The following INSL6 variants were observed in gnomAD, a reference collection of about 807,000 sequenced individuals.
INSL6 encodes the protein insulin like 6, also known as insulin-like peptide INSL6.
A neutral mutation model predicts 9.4 loss-of-function variants in INSL6; 16 were observed. That is an observed-to-expected ratio of 1.70 (90% CI 1.15 to 2.59). The LOEUF is 2.59. INSL6 is among the 30% of genes most tolerant of loss of function. The pLI is 0.00. For synonymous variants in INSL6, 154 were observed against 96.9 expected (o/e 1.59, Z -3.46); for missense variants, 391 against 257.3 (o/e 1.52, Z -3.56).
At chr9:5,149,410 C>T (rs1342431507) in intron 2 of INSL6, among the ~76,000 whole-genome samples, 1 of 152,168 alleles carries the variant, frequency 6.6e-6, no homozygotes, top group African/African-American at 2.4e-5. Context: ...TGCTTACCTT[C>T]CTACCCACCA....
At chr9:5,044,811 A>G in the INSL6 span, among the ~76,000 whole-genome samples, 1 of 152,198 alleles carries the variant, frequency 6.6e-6, no homozygotes, top group Non-Finnish European at 1.5e-5. Flanking sequence ...ACTGAGGTTT[A>G]CAACATGATT....
chr9:5,105,746 A>G, the INSL6 span, among the ~76,000 whole-genome samples: 1 of 152,246 alleles, frequency 6.6e-6, no homozygotes, highest in East Asian at 1.9e-4. Flanking sequence ...CAGAGGCCTC[A>G]GAAATAACAC....
At chr9:5,132,730 T>C (rs1331362784) in intron 3 of INSL6, 1 of 152,208 alleles carries the variant, frequency 6.6e-6, no homozygotes, top group Non-Finnish European at 1.5e-5. Context: ...TCCTAAATCT[T>C]GTTCAACATA....
chr9:5,131,440 T>G (rs1824281430), intron 3 of INSL6, among the ~76,000 whole-genome samples: 1 of 143,340 alleles, frequency 7.0e-6, no homozygotes, highest in Non-Finnish European at 1.5e-5. Context: ...TAACAATTTT[T>G]TTTTTTTTTT....
At chr9:5,028,391 G>T in the INSL6 span, among the ~76,000 whole-genome samples, 1 of 152,166 alleles carries the variant, frequency 6.6e-6, no homozygotes, top group Non-Finnish European at 1.5e-5. Flanking sequence ...AGGCTTTGTT[G>T]TCCCATTTAT....
At chr9:5,143,259 T>C (rs1339405067) in intron 2 of INSL6, among the ~76,000 whole-genome samples, 1 of 151,732 alleles carries the variant, frequency 6.6e-6, no homozygotes, top group African/African-American at 2.4e-5. Context: ...ATAGTTTCAG[T>C]AGGAATGGTA....
chr9:5,167,033 C>G (rs1297575565), intron 1 of INSL6, among the ~76,000 whole-genome samples: 4 of 152,060 alleles, frequency 2.6e-5, no homozygotes, highest in Admixed American at 6.5e-5. Context: ...CAAGTGGATT[C>G]TGCATCTTCA....
chr9:5,178,753 G>T (rs1178128902), intron 1 of INSL6, among the ~76,000 whole-genome samples: 1 of 152,156 alleles, frequency 6.6e-6, no homozygotes, highest in African/African-American at 2.4e-5. Flanking sequence ...ACAAAAACAA[G>T]CAATGAGGGA....
the INSL6 span, among the ~76,000 whole-genome samples, chr9:5,023,705 C>T: frequency 1.3e-5 from 2 of 152,136 alleles, no homozygotes; most frequent in African/African-American, 4.8e-5. Context: ...TGTTGAATAC[C>T]AGTGTTCCTC....
the INSL6 span, among the ~76,000 whole-genome samples, chr9:5,027,986 T>C: frequency 1.3e-5 from 2 of 152,206 alleles, no homozygotes; most frequent in Non-Finnish European, 2.9e-5. Context: ...CAAACTCCTG[T>C]TAATGTTGAC....
intron 1 of INSL6, among the ~76,000 whole-genome samples, chr9:5,166,565 A>T (rs1008602175): frequency 6.6e-6 from 1 of 152,202 alleles, no homozygotes; most frequent in Non-Finnish European, 1.5e-5. Context: ...AAAAATAAAG[A>T]TTAAATGGAT....
the INSL6 span, among the ~76,000 whole-genome samples, chr9:5,083,328 C>T: frequency 1.3e-5 from 2 of 152,278 alleles, no homozygotes; most frequent in Non-Finnish European, 2.9e-5. Context: ...CCAGGGAATG[C>T]TCAGTTCTTA....
chr9:5,117,155 A>G, the INSL6 span, among the ~76,000 whole-genome samples: 1 of 152,190 alleles, frequency 6.6e-6, no homozygotes, highest in African/African-American at 2.4e-5. Flanking sequence ...ACACACCTGA[A>G]CCTGCCAGCA....
At chr9:5,137,612 A>G (rs200564260) in intron 2 of INSL6, among the ~76,000 whole-genome samples, 1 of 152,314 alleles carries the variant, frequency 6.6e-6, no homozygotes, top group East Asian at 1.9e-4. Flanking sequence ...AGACTTAAAT[A>G]TAAGACCTAA....
rs142813719 is a variant in INSL6, at chr9:5,185,598, G to A, written c.5C>T (p.Pro2Leu). 319 of 1,611,430 alleles carry A rather than the reference G, an allele frequency of 2.0e-4. No homozygotes were observed. In the African/African-American group the frequency reaches 2.1e-3, roughly 11 times the overall value. The change falls in exon 1 of 2, where the codon CCG becomes CTG. Residue 2 changes from proline to leucine, a missense_variant. Physicochemically the swap from Pro to Leu is moderately conservative, Grantham distance 98. Transcript: ENST00000381641. M[P>L]RLLRLSLLWL... is the part of the protein sequence containing the mutation. ...CAGCAGGGACAAGCGGAGGAGCCGC[G>A]GCATCCCTGTGACCCCAGGCTAGTC... is the stretch of plus-strand genomic sequence containing the variant.
intron 1 of INSL6, among the ~76,000 whole-genome samples, chr9:5,182,711 G>A (rs1825484369): frequency 6.6e-6 from 1 of 152,076 alleles, no homozygotes. Context: ...TAATCTAACT[G>A]GAATAGGGGT....
At chr9:5,088,522 G>C in the INSL6 span, among the ~76,000 whole-genome samples, 2 of 140,060 alleles carry the variant, frequency 1.4e-5, no homozygotes, top group African/African-American at 5.3e-5. Context: ...AAAAAGAGTG[G>C]ATTTCTTTAA....
At chr9:5,113,191 C>CTTTTT in the INSL6 span, among the ~76,000 whole-genome samples, 1 of 57,160 alleles carries the variant, frequency 1.7e-5, no homozygotes, top group Non-Finnish European at 2.9e-5. Context: ...CTGGCAGGAG[C>CTTTTT]TTTTTTTTTT....
chr9:5,114,959 A>G, the INSL6 span, among the ~76,000 whole-genome samples: 2 of 152,162 alleles, frequency 1.3e-5, no homozygotes, highest in African/African-American at 4.8e-5. Context: ...AAACAAACAT[A>G]AAAACCCTAG....
Sources: gnomAD v4.1 joint callset for allele counts (sites outside exome capture counted in the v4.1 genomes callset) on GRCh38, gnomAD v4.1.1 for gene constraint, MANE v1.5 for transcripts, NCBI Gene and HGNC (gene_info 2026-07-23, HGNC 2026-07-21) for gene names.